Variants in POLDIP2 observed in about 807,000 individuals in gnomAD.
POLDIP2 encodes the protein polymerase delta-interacting protein 2.
A neutral mutation model predicts 52.9 loss-of-function variants in POLDIP2; 32 were observed. The observed-to-expected ratio is 0.61, with a 90% confidence interval of 0.46 to 0.81. POLDIP2 has a LOEUF of 0.81. Among genes scored for constraint, POLDIP2 ranks in the 40% least tolerant of loss-of-function variants. The probability of loss-of-function intolerance (pLI) is 0.00; values close to 1 mark genes in which losing one functional copy is unlikely to be tolerated. For synonymous variants in POLDIP2, 183 were observed against 183.0 expected, an observed-to-expected ratio of 1.00 and a Z score of 0.00; for missense variants, 371 against 477.3, an observed-to-expected ratio of 0.78 and a Z score of 2.07.
At chr17:28,356,609 A>G (rs1217726097) in intron 1 of POLDIP2, among the ~76,000 whole-genome samples, 6 of 152,180 alleles carry the variant, frequency 3.9e-5, no homozygotes, top group Non-Finnish European at 5.9e-5. Context: ...TCTCTCCCCA[A>G]TGTTCAGTGT....
chr17:28,349,009 A>G (rs577948334), intron 10 of POLDIP2, 74 bp downstream of exon 10: 8 of 1,023,962 alleles, frequency 7.8e-6, no homozygotes, highest in Non-Finnish European at 1.2e-5. Flanking sequence ...GCAAGCTCTA[A>G]GCTCTCACTT....
At chr17:28,349,236 G>T (rs1555579471) in intron 9 of POLDIP2, 74 bp from the exon 10 acceptor site, 5 of 1,050,278 alleles carry the variant, frequency 4.8e-6, no homozygotes, top group African/African-American at 1.6e-5. Context: ...GTTACATGCT[G>T]ACTGCCAGTT....
chr17:28,350,409 A>C (rs1555579722), intron 9 of POLDIP2, 29 bp downstream of exon 9: 10 of 1,588,222 alleles, frequency 6.3e-6, no homozygotes, highest in Non-Finnish European at 8.6e-6. Context: ...GCCACACAGG[A>C]CCAGAATTAC....
chr17:28,353,323 C>T lies in POLDIP2; in HGVS notation c.439-7G>A, dbSNP rs1328306521. 2 of 1,534,732 alleles carry T rather than the reference C, an allele frequency of 1.3e-6. No individual in the cohort carries two copies. Among genetic ancestry groups the T allele is most frequent in the Non-Finnish European group, 1.8e-6 (2 of 1,112,402 alleles). On this transcript the variant is annotated splice_polypyrimidine_tract_variant and splice_region_variant and intron_variant, in intron 4 of 10. Transcript: ENST00000540200. ...CTGTCTGAGATCTCTGAGACTAAGG[C>T]AAGAAGTGAATCAGTGGTGAAACCA...
intron 6 of POLDIP2, 141 bp from the exon 7 acceptor site, chr17:28,351,941 C>T: frequency 1.4e-6 from 1 of 703,906 alleles, no homozygotes; most frequent in Admixed American, 2.2e-5. Context: ...GGTGCTCATA[C>T]ATGAAGCAAA....
In POLDIP2 at chr17:28,353,734, G is replaced by A; in HGVS notation, c.399C>T (p.Tyr133=). ...SKEVKGKTHT[Y]YQVLIDARDC... is the part of the protein sequence containing the mutation. ...CACGAGCATCAATCAGCACCTGATA[G>A]TAAGTGTGAGTTTTGCCTTTCACCT... is the stretch of plus-strand genomic sequence containing the variant. Residue 133 remains tyrosine, a synonymous_variant, in exon 4 of 11, where the codon TAC becomes TAT. Coordinates refer to ENST00000540200, the MANE Select transcript of POLDIP2 (RefSeq NM_015584.5). The A allele has an allele frequency of 1.2e-6, 2 of 1,613,376 alleles. No homozygotes were observed. Among genetic ancestry groups the A allele is most frequent in the Admixed American group, 1.7e-5 (1 of 59,992 alleles).
At chr17:28,351,855 CTAGTCCAAT>C in intron 6 of POLDIP2, 55 bp from the exon 7 acceptor site, 1 of 1,513,952 alleles carries the variant, frequency 6.6e-7, no homozygotes, top group Non-Finnish European at 9.2e-7. Flanking sequence ...ACAATTGTAT[CTAGTCCAAT>C]CACACAATAG....
chr17:28,354,642 G>T, intron 2 of POLDIP2, 57 bp from the exon 3 acceptor site: 1 of 1,187,040 alleles, frequency 8.4e-7, no homozygotes, highest in Non-Finnish European at 1.2e-6. Context: ...ATCCAGGTGG[G>T]CCCCAGACCA....
At chr17:28,355,023 G>A (rs1907960516) in intron 2 of POLDIP2, among the ~76,000 whole-genome samples, 1 of 152,148 alleles carries the variant, frequency 6.6e-6, no homozygotes, top group South Asian at 2.1e-4. Flanking sequence ...TATCCTAGAA[G>A]GGCCTAAATC....
chr17:28,349,414 G>A (rs1907710494), intron 9 of POLDIP2, among the ~76,000 whole-genome samples: 1 of 135,720 alleles, frequency 7.4e-6, no homozygotes. Context: ...ACTGGGCAAA[G>A]GACCTCCTCT....
In POLDIP2 at chr17:28,350,788, G is replaced by A. The variant is rs1555579840; in HGVS notation, c.764C>T (p.Ala255Val). 2 of 1,588,852 alleles carry A rather than the reference G, an allele frequency of 1.3e-6. No individual in the cohort carries two copies. The highest frequency in any genetic ancestry group is 8.6e-7 in the Non-Finnish European group (1 of 1,167,284). ...CACCCAGTACACGTGGGAATTCTGGGCTTCCTAGGGAGAAAACAAAAAGAA... is the reference window on the plus strand; with the variant it reads ...CACCCAGTACACGTGGGAATTCTGGACTTCCTAGGGAGAAAACAAAAAGAA... The part of the protein sequence containing the change: ...VIPFYMGMRE[A>V]QNSHVYWWRY... The change falls in exon 8 of 11, where the codon GCC becomes GTC. Residue 255 changes from alanine to valine, a missense_variant. Ala to Val is a moderately conservative substitution (Grantham distance 64). Coordinates refer to ENST00000540200, the MANE Select transcript of POLDIP2 (RefSeq NM_015584.5).
intron 6 of POLDIP2, 98 bp from the exon 7 acceptor site, chr17:28,351,898 A>C: frequency 8.6e-7 from 1 of 1,161,208 alleles, no homozygotes; most frequent in South Asian, 1.3e-5. Flanking sequence ...CCCCTCCTAG[A>C]AAACCCTCCC....
chr17:28,353,058 G>A (rs782366057), intron 5 of POLDIP2, 39 bp from the exon 6 acceptor site: 5 of 825,514 alleles, frequency 6.1e-6, no homozygotes, highest in Admixed American at 1.8e-5. Context: ...GAAACTCACA[G>A]GAGAGGAGAG....
chr17:28,351,159 T>G (rs1212648524), intron 7 of POLDIP2, among the ~76,000 whole-genome samples: 36 of 152,304 alleles, frequency 2.4e-4, no homozygotes. Context: ...CTTGCTATAA[T>G]ACTTTAAGTT....
At chr17:28,351,643 G>A (rs1567791839) in intron 7 of POLDIP2, 21 bp downstream of exon 7, 1 of 1,612,228 alleles carries the variant, frequency 6.2e-7, no homozygotes, top group Non-Finnish European at 8.5e-7. Flanking sequence ...CTGCTAGAAG[G>A]GGTCCAGGCT....
chr17:28,348,353 T>G, intron 10 of POLDIP2, 122 bp from the exon 11 acceptor site: 1 of 641,196 alleles, frequency 1.6e-6, no homozygotes, highest in East Asian at 2.7e-5. Flanking sequence ...CTCTTCTATC[T>G]CTAGCTCATG....
In POLDIP2 at chr17:28,353,288, G is replaced by T; in HGVS notation, c.467C>A (p.Thr156Asn). 1 of 1,592,914 alleles carries T rather than the reference G, an allele frequency of 6.3e-7. No homozygotes were observed. The highest frequency in any genetic ancestry group is 8.6e-7 in the Non-Finnish European group (1 of 1,162,684). The change falls in exon 5 of 11, where the codon ACC (threonine) becomes AAC (asparagine). Residue 156 changes from threonine (T) to asparagine (N), a missense_variant. Thr to Asn is a moderately conservative substitution (Grantham distance 65, BLOSUM62 0). Coordinates refer to ENST00000540200, the MANE Select transcript of POLDIP2 (RefSeq NM_015584.5). ...ISQRSQTEAV[T>N]FLANHDDSRA... ...ACTGTCATCATGGTTAGCCAAGAAG[G>T]TCACAGCTTCTGTCTGAGATCTCTG... is the stretch of plus-strand genomic sequence containing the variant.
Position 28,354,774 on chromosome 17 carries a change from T to A in POLDIP2, c.244-189A>T, listed in dbSNP as rs570416827. ...TTCTTCTTTACCTGGCTGACTCTAC[T>A]CATCCTTTAGGTAAAAGCTTAGGCC... On this transcript the variant is annotated intron_variant, in intron 2 of 10. Transcript: ENST00000540200. 2.6e-5 allele frequency among the ~76,000 whole-genome samples: 4 copies of A among 152,358 alleles called. No homozygotes were observed. The East Asian group carries it at 7.7e-4, about 29-fold the overall frequency.
At chr17:28,353,537 A>G (rs1022932197) in intron 4 of POLDIP2, among the ~76,000 whole-genome samples, 158 bp downstream of exon 4, 3 of 140,158 alleles carry the variant, frequency 2.1e-5, no homozygotes, top group African/African-American at 7.8e-5. Flanking sequence ...AAAAAAAAAG[A>G]CGTGAATCAG....
Sources: allele counts gnomAD v4.1 joint callset (sites outside exome capture counted in the v4.1 genomes callset), GRCh38; gene constraint gnomAD v4.1.1; transcripts MANE v1.5; gene names NCBI Gene and HGNC (gene_info 2026-07-23, HGNC 2026-07-21).